Variants in ADCY2 observed in about 807,000 individuals in gnomAD.
ADCY2 encodes adenylate cyclase 2, also known as adenylate cyclase type 2.
In ADCY2, 31 loss-of-function variants were observed where a neutral mutation model predicts 125.2. That is an observed-to-expected ratio of 0.25 (90% CI 0.19 to 0.33). The LOEUF (loss-of-function observed/expected upper bound fraction) is 0.33, where lower values mean the gene tolerates loss of function less well. Ranked by LOEUF, ADCY2 falls within the 10% of genes least tolerant of loss-of-function variation. ADCY2 has a pLI of 1.00. For missense variants in ADCY2, 904 were observed against 1,418.2 expected, an observed-to-expected ratio of 0.64 and a Z score of 5.82; for synonymous variants, 512 against 548.4, an observed-to-expected ratio of 0.93 and a Z score of 0.93.
At chr5:7,690,588 C>A in intron 4 of ADCY2, 103 bp from the exon 5 acceptor site, 1 of 1,095,508 alleles carries the variant, frequency 9.1e-7, no homozygotes. Flanking sequence ...GGAAAGAATT[C>A]CCAAACTGGC....
At chr5:7,789,219 C>A (rs1332941235) in intron 19 of ADCY2, among the ~76,000 whole-genome samples, 1 of 152,164 alleles carries the variant, frequency 6.6e-6, no homozygotes, top group Non-Finnish European at 1.5e-5. Flanking sequence ...ATGCTAAAGG[C>A]AAACTGCCAT....
chr5:7,722,085 C>T (rs1003293256), intron 12 of ADCY2, among the ~76,000 whole-genome samples: 3 of 152,136 alleles, frequency 2.0e-5, no homozygotes, highest in African/African-American at 7.2e-5. Context: ...AAGGGAGAAG[C>T]CACAAGCCAG....
At chr5:7,409,032 TGG>T (rs1189212866) in intron 1 of ADCY2, among the ~76,000 whole-genome samples, 2 of 152,188 alleles carry the variant, frequency 1.3e-5, no homozygotes, top group Non-Finnish European at 2.9e-5. Context: ...ATATACACCA[TGG>T]AATACTATGC....
At chr5:7,734,684 T>A (rs1201951258) in intron 14 of ADCY2, among the ~76,000 whole-genome samples, 2 of 152,230 alleles carry the variant, frequency 1.3e-5, no homozygotes, top group Non-Finnish European at 1.5e-5. Flanking sequence ...ACAGGCAGGA[T>A]AAATGGTTAA....
intron 2 of ADCY2, among the ~76,000 whole-genome samples, chr5:7,454,327 A>G (rs1741585846): frequency 6.6e-6 from 1 of 152,210 alleles, no homozygotes; most frequent in South Asian, 2.1e-4. Flanking sequence ...GTTTCAACAT[A>G]ATTTTTATAT....
intron 16 of ADCY2, among the ~76,000 whole-genome samples, chr5:7,761,866 A>G (rs1743229957): frequency 6.6e-6 from 1 of 152,228 alleles, no homozygotes; most frequent in Non-Finnish European, 1.5e-5. Context: ...ACGATCCTTT[A>G]GAGAGAGAAC....
intron 2 of ADCY2, among the ~76,000 whole-genome samples, chr5:7,482,946 T>C (rs1742793192): frequency 2.0e-5 from 3 of 151,744 alleles, no homozygotes; most frequent in African/African-American, 7.3e-5. Flanking sequence ...TTCTCACTCT[T>C]ATGTGGGAGC....
chr5:7,778,356 T>A (rs1743809350), intron 18 of ADCY2, among the ~76,000 whole-genome samples: 1 of 152,218 alleles, frequency 6.6e-6, no homozygotes, highest in South Asian at 2.1e-4. Context: ...AATCTACCTT[T>A]AATTCTAGAG....
chr5:7,520,188 A>G (rs2126531628), intron 2 of ADCY2, among the ~76,000 whole-genome samples: 1 of 152,266 alleles, frequency 6.6e-6, no homozygotes, highest in Non-Finnish European at 1.5e-5. Context: ...ACTGCTGTGT[A>G]TGTTTAACTT....
At chr5:7,589,517 AAAGAAAG>A (rs1309125856) in intron 3 of ADCY2, among the ~76,000 whole-genome samples, 36 of 112,544 alleles carry the variant, frequency 3.2e-4, no homozygotes, top group South Asian at 5.8e-4. Flanking sequence ...AAAGAAAAGA[AAAGAAAG>A]AGAAAGAAAG....
intron 2 of ADCY2, among the ~76,000 whole-genome samples, chr5:7,513,150 G>T (rs1579522836): frequency 6.6e-6 from 1 of 151,708 alleles, no homozygotes; most frequent in East Asian, 1.9e-4. Context: ...GAGAGAGAAA[G>T]ATCTGGGGAG....
chr5:7,512,750 T>A (rs896095739), intron 2 of ADCY2, among the ~76,000 whole-genome samples: 2 of 152,190 alleles, frequency 1.3e-5, no homozygotes, highest in African/African-American at 4.8e-5. Flanking sequence ...ACCTTAGAGC[T>A]GAGCCAGTGG....
At chr5:7,821,328 G>A (rs1004794396) in intron 24 of ADCY2, among the ~76,000 whole-genome samples, 6 of 152,090 alleles carry the variant, frequency 3.9e-5, no homozygotes, top group Non-Finnish European at 5.9e-5. Flanking sequence ...ATTTTTAAAA[G>A]TATTTTAAAA....
intron 3 of ADCY2, among the ~76,000 whole-genome samples, chr5:7,555,502 CA>C (rs1251343740): frequency 5.3e-5 from 8 of 152,104 alleles, no homozygotes. Context: ...AGATAGAACA[CA>C]AGTTTTATTT....
intron 3 of ADCY2, among the ~76,000 whole-genome samples, chr5:7,608,668 T>C (rs1026399201): frequency 6.6e-6 from 1 of 152,254 alleles, no homozygotes; most frequent in African/African-American, 2.4e-5. Flanking sequence ...TAGATATTTT[T>C]ATTCCTACCT....
At chr5:7,398,322 C>G (rs1410884622) in intron 1 of ADCY2, among the ~76,000 whole-genome samples, 2 of 152,196 alleles carry the variant, frequency 1.3e-5, no homozygotes, top group Non-Finnish European at 2.9e-5. Flanking sequence ...GAATGGGTCA[C>G]TCAGAGATTT....
chr5:7,465,300 GGAGTGCTCCCTCCT>G (rs1480364746), intron 2 of ADCY2, among the ~76,000 whole-genome samples: 2 of 152,144 alleles, frequency 1.3e-5, no homozygotes, highest in Non-Finnish European at 2.9e-5. Flanking sequence ...CAGACACCTG[GGAGTGCTCCCTCCT>G]GAGTCTTTTT....
chr5:7,518,695 C>T (rs935053117), intron 2 of ADCY2, among the ~76,000 whole-genome samples: 11 of 152,198 alleles, frequency 7.2e-5, no homozygotes, highest in African/African-American at 2.2e-4. Context: ...ATGAGGATTC[C>T]GGGTCATTTT....
chr5:7,576,872 G>A (rs1378258519), intron 3 of ADCY2, among the ~76,000 whole-genome samples: 1 of 152,148 alleles, frequency 6.6e-6, no homozygotes. Context: ...AGTAGAGCTA[G>A]CAACCTATTT....
Sources: gnomAD v4.1 joint callset for allele counts (sites outside exome capture counted in the v4.1 genomes callset) on GRCh38, gnomAD v4.1.1 for gene constraint, MANE v1.5 for transcripts, NCBI Gene and HGNC (gene_info 2026-07-23, HGNC 2026-07-21) for gene names.